The following SVIL variants were observed in gnomAD, a reference collection of about 807,000 sequenced individuals.
SVIL encodes supervillin.
SVIL carries 101 observed loss-of-function variants against 240.4 expected under a neutral mutation model. That is an observed-to-expected ratio of 0.42 (90% CI 0.36 to 0.50). The LOEUF is 0.50. SVIL is among the 20% of genes least tolerant of loss of function. The probability of loss-of-function intolerance (pLI) is 0.01; values close to 1 mark genes in which losing one functional copy is unlikely to be tolerated. For missense variants in SVIL, 2,512 were observed against 2,818.7 expected, an observed-to-expected ratio of 0.89 and a Z score of 2.46; for synonymous variants, 999 against 1,100.0, an observed-to-expected ratio of 0.91 and a Z score of 1.82.
At chr10:29,591,920 G>C (rs980537252) in intron 1 of SVIL, among the ~76,000 whole-genome samples, 1 of 152,210 alleles carries the variant, frequency 6.6e-6, no homozygotes, top group African/African-American at 2.4e-5. Context: ...TACCTTACAT[G>C]GTTCTGGGTA....
intron 1 of SVIL, among the ~76,000 whole-genome samples, chr10:29,591,373 C>T (rs1208545537): frequency 1.3e-5 from 2 of 152,168 alleles, no homozygotes; most frequent in African/African-American, 2.4e-5. Context: ...CATTGAAACC[C>T]AGGGAATCCA....
At chr10:29,508,076 A>G in intron 17 of SVIL, 1 of 285,790 alleles carries the variant, frequency 3.5e-6, no homozygotes, top group South Asian at 3.5e-5. Flanking sequence ...ATTGTCAGTT[A>G]CAGAGAGAGG....
chr10:29,657,892 A>C lies in SVIL; in HGVS notation c.-201+77T>G, dbSNP rs1959053005. The C allele has an allele frequency of 2.0e-5, 3 of 152,334 alleles. No homozygotes were observed. In the South Asian group the frequency reaches 6.2e-4, roughly 32 times the overall value. 9.4% of individuals were successfully genotyped at this position (152,334 alleles called of 1,614,324 possible). On this transcript the variant is annotated intron_variant, in intron 3 of 35. Transcript: ENST00000375400. ...AAAATCACCCTTCACAATGTGCTTTAATCTCTTCTAACAGTGCAAGCAAAG... is the reference window on the plus strand; with the variant it reads ...AAAATCACCCTTCACAATGTGCTTTCATCTCTTCTAACAGTGCAAGCAAAG...
upstream of SVIL, among the ~76,000 whole-genome samples, chr10:29,635,493 G>A (rs1268183240): frequency 1.3e-5 from 2 of 152,076 alleles, no homozygotes; most frequent in South Asian, 2.1e-4. Context: ...GTACTTTCTC[G>A]AAAATGACAC....
At chr10:29,561,584 A>ATTTTTTTT (rs199711026) in intron 3 of SVIL, among the ~76,000 whole-genome samples, 4 of 144,616 alleles carry the variant, frequency 2.8e-5, no homozygotes, top group Non-Finnish European at 1.5e-5. Context: ...CTCAGAGGAA[A>ATTTTTTTT]TTTTTTTTTT....
chr10:29,462,454 C>G (rs1325981331), intron 35 of SVIL, 53 bp from the exon 36 acceptor site: 1 of 1,575,482 alleles, frequency 6.3e-7, no homozygotes, highest in African/African-American at 1.4e-5. Context: ...CCCTGTCTTT[C>G]TCTGATTTCC....
chr10:29,513,226 C>T (rs1949978684), intron 16 of SVIL, among the ~76,000 whole-genome samples: 1 of 152,184 alleles, frequency 6.6e-6, no homozygotes, highest in Non-Finnish European at 1.5e-5. Flanking sequence ...TGTGAAATAA[C>T]ATTAAAGGAC....
At position 29,522,637 on chromosome 10, in the gene SVIL, T is replaced by C. The variant is rs1950634848; in HGVS notation, c.3164-2A>G. 1 of 1,613,454 alleles carries C rather than the reference T, an allele frequency of 6.2e-7. No individual in the cohort carries two copies. Among genetic ancestry groups the C allele is most frequent in the Non-Finnish European group, 8.5e-7 (1 of 1,179,750 alleles). On this transcript the variant is annotated splice_acceptor_variant, in intron 15 of 37. Coordinates refer to ENST00000355867, the MANE Select transcript of SVIL (RefSeq NM_021738.3). LOFTEE classifies it high-confidence loss of function. Reference sequence around the variant, plus strand: ...AAGTGGGCTCCCCGAACTCTGCCGCTGGGAAGGAAAAGAGCAACATCAGCA... The same window carrying C: ...AAGTGGGCTCCCCGAACTCTGCCGCCGGGAAGGAAAAGAGCAACATCAGCA...
intron 20 of SVIL, among the ~76,000 whole-genome samples, chr10:29,493,885 A>C (rs1948191971): frequency 6.6e-6 from 1 of 152,186 alleles, no homozygotes; most frequent in South Asian, 2.1e-4. Context: ...CTTTATTTAC[A>C]AAAACAGGGC....
At chr10:29,613,048 G>A (rs1444421206) in intron 1 of SVIL, among the ~76,000 whole-genome samples, 1 of 151,920 alleles carries the variant, frequency 6.6e-6, no homozygotes, top group Non-Finnish European at 1.5e-5. Flanking sequence ...GTGGTGGCAC[G>A]TGCCTGTAGT....
At chr10:29,505,542 C>T (rs1244052939) in intron 17 of SVIL, among the ~76,000 whole-genome samples, 1 of 151,832 alleles carries the variant, frequency 6.6e-6, no homozygotes, top group African/African-American at 2.4e-5. Flanking sequence ...GATGAGCAGG[C>T]AGAGCACAGG....
intron 7 of SVIL, among the ~76,000 whole-genome samples, chr10:29,535,326 C>T (rs560064216): frequency 2.0e-5 from 3 of 152,234 alleles, no homozygotes; most frequent in Middle Eastern, 3.4e-3. Flanking sequence ...GGTTCCAGTT[C>T]TCCTGTGGAA....
chr10:29,604,363 C>CTTTTTTTTTTTTTT, intron 1 of SVIL, among the ~76,000 whole-genome samples: 2 of 38,426 alleles, frequency 5.2e-5, no homozygotes, highest in Non-Finnish European at 1.1e-4. Context: ...CCATGTCTGG[C>CTTTTTTTTTTTTTT]TTTTTTTTTT....
chr10:29,656,196 A>G (rs1589460869), intron 3 of SVIL, among the ~76,000 whole-genome samples: 2 of 151,578 alleles, frequency 1.3e-5, no homozygotes, highest in African/African-American at 2.4e-5. Context: ...TTTTTTTTAA[A>G]AACATGAAGA....
intron 2 of SVIL, among the ~76,000 whole-genome samples, chr10:29,682,747 T>G: frequency 6.6e-6 from 1 of 152,228 alleles, no homozygotes; most frequent in South Asian, 2.1e-4. Flanking sequence ...AAGTGTATGT[T>G]AGCTACAGGA....
chr10:29,496,550 C>T (rs960787687), intron 18 of SVIL: 1 of 366,422 alleles, frequency 2.7e-6, no homozygotes, highest in African/African-American at 2.1e-5. Context: ...GCAAACCCCG[C>T]TGCCATGGCT....
At chr10:29,691,776 A>T (rs1961527897) in intron 1 of SVIL, among the ~76,000 whole-genome samples, 1 of 152,196 alleles carries the variant, frequency 6.6e-6, no homozygotes, top group Non-Finnish European at 1.5e-5. Context: ...CAGATGCTGG[A>T]GAGCAAAGAT....
intron 2 of SVIL, among the ~76,000 whole-genome samples, chr10:29,684,065 A>G (rs982077996): frequency 6.6e-6 from 1 of 152,084 alleles, no homozygotes; most frequent in Non-Finnish European, 1.5e-5. Flanking sequence ...CACCGAAAAA[A>G]ACTCCAAAAA....
intron 3 of SVIL, among the ~76,000 whole-genome samples, chr10:29,555,771 A>T (rs572640212): frequency 6.6e-6 from 1 of 152,322 alleles, no homozygotes; most frequent in East Asian, 1.9e-4. Context: ...TCATTTACAG[A>T]AGTATAGACT....
Sources: gnomAD v4.1 joint callset for allele counts (sites outside exome capture counted in the v4.1 genomes callset) on GRCh38, gnomAD v4.1.1 for gene constraint, MANE v1.5 for transcripts, NCBI Gene and HGNC (gene_info 2026-07-23, HGNC 2026-07-21) for gene names.